The following KIAA1217 variants were observed in gnomAD, a reference collection of about 807,000 sequenced individuals.
KIAA1217 encodes the protein KIAA1217.
In KIAA1217, 88 loss-of-function variants were observed where a neutral mutation model predicts 163.9. The ratio of observed to expected loss-of-function variants is 0.54; its 90% confidence interval spans 0.45 to 0.64. The LOEUF is 0.64. Among genes scored for constraint, KIAA1217 ranks in the 30% least tolerant of loss-of-function variants. The pLI, the probability that KIAA1217 is intolerant of heterozygous loss-of-function variation, is 0.00. For synonymous variants in KIAA1217, 903 were observed against 923.1 expected (o/e 0.98, Z 0.39); for missense variants, 2,372 against 2,475.0 (o/e 0.96, Z 0.88).
At chr10:24,369,669 T>A (rs2051296893) in intron 2 of KIAA1217, among the ~76,000 whole-genome samples, 2 of 152,214 alleles carry the variant, frequency 1.3e-5, no homozygotes. Flanking sequence ...TAGCACCATG[T>A]TTTGCTGGTT....
intron 1 of KIAA1217, among the ~76,000 whole-genome samples, chr10:23,731,764 C>G (rs1838492163): frequency 6.6e-6 from 1 of 151,788 alleles, no homozygotes. Flanking sequence ...TATTCTTTAT[C>G]AAGTCAAGGG....
At position 24,406,065 on chromosome 10, in the gene KIAA1217, C is replaced by T. The variant is rs541930881; in HGVS notation, c.553+24998C>T. On this transcript the variant is annotated intron_variant, in intron 3 of 20. Transcript: ENST00000376454. ...ACAAAACTGATTACAAAATAGAAGG[C>T]TTTCACATCTTCCCTTTCCTTTCAT... is the stretch of plus-strand genomic sequence containing the variant. Among the ~76,000 whole-genome samples, 10 of 152,300 alleles carry T rather than the reference C, an allele frequency of 6.6e-5. No homozygotes were observed. The East Asian group carries it at 1.9e-3, about 29-fold the overall frequency.
intron 5 of KIAA1217, among the ~76,000 whole-genome samples, chr10:24,454,197 GT>G (rs1469063871): frequency 6.6e-6 from 1 of 152,208 alleles, no homozygotes; most frequent in East Asian, 1.9e-4. Flanking sequence ...TCATTAAATA[GT>G]TTTTTGAGCA....
chr10:23,913,316 A>G (rs1842511201), intron 1 of KIAA1217, among the ~76,000 whole-genome samples: 1 of 151,936 alleles, frequency 6.6e-6, no homozygotes, highest in Non-Finnish European at 1.5e-5. Context: ...GATGAAGTAC[A>G]TGAGTTTATA....
At chr10:24,350,749 G>A (rs1217185025) in intron 2 of KIAA1217, among the ~76,000 whole-genome samples, 1 of 151,390 alleles carries the variant, frequency 6.6e-6, no homozygotes, top group African/African-American at 2.4e-5. Flanking sequence ...TCATAAAACA[G>A]ATTGATCCTA....
intron 2 of KIAA1217, among the ~76,000 whole-genome samples, chr10:24,047,941 G>T (rs1168030368): frequency 1.3e-5 from 2 of 152,156 alleles, no homozygotes; most frequent in African/African-American, 4.8e-5. Flanking sequence ...CTAATAATAA[G>T]GAGCAAGCTG....
intron 1 of KIAA1217, among the ~76,000 whole-genome samples, chr10:24,000,597 G>A (rs969456714): frequency 2.0e-5 from 3 of 152,232 alleles, no homozygotes; most frequent in Non-Finnish European, 4.4e-5. Flanking sequence ...GTAACACAAT[G>A]TGTATCTTGT....
At chr10:24,163,392 A>G (rs1205645081) in intron 2 of KIAA1217, among the ~76,000 whole-genome samples, 1 of 152,170 alleles carries the variant, frequency 6.6e-6, no homozygotes, top group African/African-American at 2.4e-5. Flanking sequence ...CAACTCTCAA[A>G]TTCCATCTCT....
chr10:23,888,814 C>T (rs1173578334), intron 1 of KIAA1217, among the ~76,000 whole-genome samples: 2 of 151,816 alleles, frequency 1.3e-5, no homozygotes, highest in African/African-American at 4.8e-5. Flanking sequence ...TTTCCTTCAT[C>T]CAGAAAGTCC....
At chr10:24,325,298 A>G (rs78956019) in intron 2 of KIAA1217, among the ~76,000 whole-genome samples, 10,916 of 152,280 alleles carry the variant, frequency 0.072, 537 homozygotes, top group East Asian at 0.2. Context: ...GGGAAACTCA[A>G]GCAGGCTGCA....
At chr10:24,069,665 A>G (rs959194069) in intron 2 of KIAA1217, among the ~76,000 whole-genome samples, 3 of 152,204 alleles carry the variant, frequency 2.0e-5, no homozygotes, top group Non-Finnish European at 4.4e-5. Flanking sequence ...TTACACTTCC[A>G]AAGGGTGCAG....
intron 2 of KIAA1217, among the ~76,000 whole-genome samples, chr10:24,104,829 A>G (rs2062559712): frequency 6.6e-6 from 1 of 152,182 alleles, no homozygotes; most frequent in African/African-American, 2.4e-5. Context: ...CTAAAAAGTA[A>G]AGTGTGATTT....
chr10:23,732,323 A>G (rs2130790483), intron 1 of KIAA1217, among the ~76,000 whole-genome samples: 1 of 152,250 alleles, frequency 6.6e-6, no homozygotes, highest in African/African-American at 2.4e-5. Flanking sequence ...CTATGGATTC[A>G]CCAACCATTG....
At chr10:24,162,772 C>T (rs1029803355) in intron 2 of KIAA1217, among the ~76,000 whole-genome samples, 1 of 152,116 alleles carries the variant, frequency 6.6e-6, no homozygotes, top group African/African-American at 2.4e-5. Flanking sequence ...TTGGCTAGGG[C>T]TATAGGTGTG....
chr10:24,396,695 C>T (rs368330859), intron 3 of KIAA1217, among the ~76,000 whole-genome samples: 140 of 152,104 alleles, frequency 9.2e-4, no homozygotes, highest in African/African-American at 3.2e-3. Context: ...TGCAAAAGCC[C>T]GAGAAAGAGC....
chr10:24,189,001 G>A (rs12264307), intron 2 of KIAA1217, among the ~76,000 whole-genome samples: 1 of 151,568 alleles, frequency 6.6e-6, no homozygotes, highest in Non-Finnish European at 1.5e-5. Flanking sequence ...AGCTACTCTG[G>A]TAGCTGAGGC....
At chr10:24,428,898 C>T (rs540505802) in intron 3 of KIAA1217, among the ~76,000 whole-genome samples, 25 of 149,892 alleles carry the variant, frequency 1.7e-4, no homozygotes, top group Admixed American at 1.1e-3. Context: ...ATGAAACTTA[C>T]ATGTTAGCAA....
intron 1 of KIAA1217, among the ~76,000 whole-genome samples, chr10:23,803,283 A>T (rs1057380899): frequency 2.0e-5 from 3 of 152,208 alleles, no homozygotes; most frequent in Admixed American, 6.5e-5. Context: ...GTCCTGAGGA[A>T]CATATTTCCC....
At chr10:23,774,315 C>G (rs1834921041) in intron 1 of KIAA1217, among the ~76,000 whole-genome samples, 1 of 152,190 alleles carries the variant, frequency 6.6e-6, no homozygotes, top group African/African-American at 2.4e-5. Context: ...ATCAGGTGTT[C>G]TGTGTTGCTG....
Sources: allele counts gnomAD v4.1 joint callset (sites outside exome capture counted in the v4.1 genomes callset), GRCh38; gene constraint gnomAD v4.1.1; transcripts MANE v1.5; gene names NCBI Gene and HGNC (gene_info 2026-07-23, HGNC 2026-07-21).